The following PRR16 variants were observed in gnomAD, a reference collection of about 807,000 sequenced individuals.
PRR16 encodes protein Largen.
In PRR16, 6 loss-of-function variants were observed where a neutral mutation model predicts 18.2. The observed-to-expected ratio is 0.33, with a 90% CI of 0.18 to 0.65. PRR16 has a LOEUF of 0.65. Among genes scored for constraint, PRR16 ranks in the 30% least tolerant of loss-of-function variants. The pLI is 0.74. For missense variants in PRR16, 412 were observed against 376.6 expected, an observed-to-expected ratio of 1.09 and a Z score of -0.78; for synonymous variants, 151 against 147.8, an observed-to-expected ratio of 1.02 and a Z score of -0.16.
intron 1 of PRR16, among the ~76,000 whole-genome samples, chr5:120,539,677 G>C (rs1304285091): frequency 6.7e-6 from 1 of 148,538 alleles, no homozygotes; most frequent in Non-Finnish European, 1.5e-5. Context: ...AACTTGAAAA[G>C]AAAAAAAAAC....
chr5:120,660,629 A>G (rs1328420728), intron 1 of PRR16, among the ~76,000 whole-genome samples: 1 of 152,036 alleles, frequency 6.6e-6, no homozygotes, highest in Non-Finnish European at 1.5e-5. Flanking sequence ...AATGACACAG[A>G]TACAACAAAA....
At chr5:120,558,112 C>G (rs1308183082) in intron 1 of PRR16, among the ~76,000 whole-genome samples, 1 of 151,836 alleles carries the variant, frequency 6.6e-6, no homozygotes, top group African/African-American at 2.4e-5. Flanking sequence ...GGGTATCCAT[C>G]TCCTAAAGCA....
At chr5:120,568,382 G>A (rs146031561) in intron 1 of PRR16, among the ~76,000 whole-genome samples, 80 of 152,278 alleles carry the variant, frequency 5.3e-4, no homozygotes, top group Admixed American at 9.8e-4. Flanking sequence ...CATGGAGCAA[G>A]AGATGAACTT....
chr5:120,492,597 G>A (rs1750097208), intron 1 of PRR16, among the ~76,000 whole-genome samples: 1 of 152,024 alleles, frequency 6.6e-6, no homozygotes, highest in South Asian at 2.1e-4. Flanking sequence ...AGTTTTGGGA[G>A]TACAGGAGGT....
chr5:120,582,997 C>A (rs551430166), intron 1 of PRR16, among the ~76,000 whole-genome samples: 1 of 152,238 alleles, frequency 6.6e-6, no homozygotes, highest in Non-Finnish European at 1.5e-5. Flanking sequence ...TACTGTCATT[C>A]TCTCACAGAT....
chr5:120,556,802 C>G (rs1485252711), intron 1 of PRR16, among the ~76,000 whole-genome samples: 1 of 151,944 alleles, frequency 6.6e-6, no homozygotes, highest in Non-Finnish European at 1.5e-5. Flanking sequence ...TCAACCAGCT[C>G]TCTTCAGGGC....
chr5:120,499,764 A>C (rs1360806917), intron 1 of PRR16, among the ~76,000 whole-genome samples: 1 of 135,438 alleles, frequency 7.4e-6, no homozygotes, highest in Non-Finnish European at 1.5e-5. Flanking sequence ...TCTACTGATT[A>C]TCTTTTTTTT....
intron 1 of PRR16, among the ~76,000 whole-genome samples, chr5:120,640,850 T>C (rs1022779252): frequency 4.9e-4 from 74 of 152,298 alleles, no homozygotes; most frequent in African/African-American, 1.7e-3. Context: ...CTCTTTAAAT[T>C]GAACTGGCTT....
chr5:120,584,036 C>T (rs1397973212), intron 1 of PRR16, among the ~76,000 whole-genome samples: 1 of 152,114 alleles, frequency 6.6e-6, no homozygotes, highest in Non-Finnish European at 1.5e-5. Flanking sequence ...CAAATAAGGC[C>T]ATTTCACTGC....
At chr5:120,605,905 A>G (rs761582152) in intron 1 of PRR16, among the ~76,000 whole-genome samples, 16 of 152,222 alleles carry the variant, frequency 1.1e-4, no homozygotes, top group Admixed American at 3.3e-4. Flanking sequence ...CCATGCATTC[A>G]CAGTCCATTG....
intron 1 of PRR16, among the ~76,000 whole-genome samples, chr5:120,532,770 A>G (rs1751591783): frequency 6.6e-6 from 1 of 152,142 alleles, no homozygotes; most frequent in Non-Finnish European, 1.5e-5. Context: ...TAATTGTATA[A>G]GAATTTTTAG....
intron 1 of PRR16, among the ~76,000 whole-genome samples, chr5:120,521,458 C>T (rs6893363): frequency 0.17 from 26,558 of 151,840 alleles, 3,246 homozygotes; most frequent in African/African-American, 0.35. Flanking sequence ...ATTAGAACTA[C>T]AAATTACAGT....
chr5:120,762,061 A>G, the PRR16 span, among the ~76,000 whole-genome samples: 1 of 152,060 alleles, frequency 6.6e-6, no homozygotes, highest in Non-Finnish European at 1.5e-5. Context: ...AGTCTTTTTT[A>G]TGGCTATTAT....
At chr5:120,585,060 C>T (rs1437891546) in intron 1 of PRR16, among the ~76,000 whole-genome samples, 1 of 152,134 alleles carries the variant, frequency 6.6e-6, no homozygotes, top group Non-Finnish European at 1.5e-5. Flanking sequence ...AAAATATTTG[C>T]CCTTCCACCT....
intron 1 of PRR16, among the ~76,000 whole-genome samples, chr5:120,603,426 A>G (rs1754049996): frequency 6.6e-6 from 1 of 151,848 alleles, no homozygotes; most frequent in Non-Finnish European, 1.5e-5. Flanking sequence ...GCCATTTCTG[A>G]TTATGTTTGT....
chr5:120,504,958 T>C (rs991493873), intron 1 of PRR16, among the ~76,000 whole-genome samples: 4 of 152,108 alleles, frequency 2.6e-5, no homozygotes, highest in African/African-American at 9.7e-5. Context: ...GGGTTGATAA[T>C]AGAAGGCAAG....
intron 1 of PRR16, among the ~76,000 whole-genome samples, chr5:120,513,173 A>T (rs180896751): frequency 1.3e-5 from 2 of 152,112 alleles, no homozygotes; most frequent in Non-Finnish European, 1.5e-5. Flanking sequence ...TCTTTGCTGC[A>T]TTCCTATCTA....
In PRR16 at chr5:120,634,577, A is replaced by T. The variant is rs187604126; in HGVS notation, c.160-51377A>T. On this transcript the variant is annotated intron_variant, in intron 1 of 1. Transcript: ENST00000407149. ...AGAATCACTTGAACCCAGGAGGTGG[A>T]GGTTGCAGTGAGCCAAGATCATGCC... 2.1e-3 allele frequency among the ~76,000 whole-genome samples: 325 copies of T among 152,280 alleles called. 2 individuals are homozygous for T. Among genetic ancestry groups the T allele is most frequent in the Middle Eastern group, 6.8e-3 (2 of 294 alleles).
chr5:120,558,679 G>A (rs1287889802), intron 1 of PRR16, among the ~76,000 whole-genome samples: 1 of 151,874 alleles, frequency 6.6e-6, no homozygotes, highest in Non-Finnish European at 1.5e-5. Context: ...GGGATTGCTG[G>A]ATCACATGGT....
Sources: gnomAD v4.1 joint callset for allele counts (sites outside exome capture counted in the v4.1 genomes callset) on GRCh38, gnomAD v4.1.1 for gene constraint, MANE v1.5 for transcripts, NCBI Gene and HGNC (gene_info 2026-07-23, HGNC 2026-07-21) for gene names.